Variants in ST7 observed in about 807,000 individuals in gnomAD.
ST7 encodes the protein suppression of tumorigenicity 7.
In ST7, 28 loss-of-function variants were observed where a neutral mutation model predicts 78.7. The ratio of observed to expected loss-of-function variants is 0.36; its 90% confidence interval spans 0.26 to 0.49. The LOEUF (loss-of-function observed/expected upper bound fraction) is 0.49. ST7 is among the 20% of genes least tolerant of loss of function. The pLI is 0.99. For missense variants in ST7, 418 were observed against 696.0 expected, an observed-to-expected ratio of 0.60 and a Z score of 4.49; for synonymous variants, 247 against 249.6, an observed-to-expected ratio of 0.99 and a Z score of 0.10.
At position 117,223,111 on chromosome 7, in the gene ST7, A is replaced by G. The variant is rs572138613; in HGVS notation, c.1638+1049A>G. ...AACTCTTCCCTCTCTCACTCCCCAC[A>G]TCCCATCGTCTCGGCCTTCACAATC... On this transcript the variant is annotated intron_variant, in intron 15 of 15. Coordinates refer to ENST00000323984, the MANE Select transcript of ST7 (RefSeq NM_001369598.1). 29 of 666,976 alleles carry G rather than the reference A, an allele frequency of 4.3e-5. No individual in the cohort carries two copies. In the African/African-American group the frequency reaches 4.8e-4, roughly 11 times the overall value. The allele number at this position is 666,976 out of a possible 1,614,324, so 41.3% of individuals were successfully genotyped here. A position where few individuals can be genotyped will look rare whatever the true frequency, so the allele number is the denominator to read the frequency against.
At chr7:117,087,215 A>G (rs1335473003) in intron 1 of ST7, among the ~76,000 whole-genome samples, 1 of 152,238 alleles carries the variant, frequency 6.6e-6, no homozygotes, top group African/African-American at 2.4e-5. Flanking sequence ...AAGGCAAACT[A>G]TTTAGTTTTC....
At chr7:117,194,403 G>A (rs372338354) in intron 12 of ST7, among the ~76,000 whole-genome samples, 1 of 152,032 alleles carries the variant, frequency 6.6e-6, no homozygotes. Flanking sequence ...AAACCCTGTT[G>A]CCCCTTCACC....
At chr7:116,974,349 G>A (rs552104512) in intron 1 of ST7, among the ~76,000 whole-genome samples, 2 of 151,270 alleles carry the variant, frequency 1.3e-5, no homozygotes, top group South Asian at 2.1e-4. Flanking sequence ...GTGCAGTGGC[G>A]TGATCTCGGC....
intron 9 of ST7, among the ~76,000 whole-genome samples, chr7:117,163,367 A>T (rs1258452069): frequency 6.6e-6 from 1 of 152,174 alleles, no homozygotes. Flanking sequence ...TGTTCTCCAT[A>T]GTGGCTATAC....
intron 1 of ST7, among the ~76,000 whole-genome samples, chr7:116,979,958 CTTTTTTTT>C (rs745530832): frequency 1.2e-5 from 1 of 86,240 alleles, no homozygotes; most frequent in Admixed American, 2.0e-4. Flanking sequence ...TTTTGTTTCT[CTTTTTTTT>C]TTTTTTTTTG....
intron 1 of ST7, among the ~76,000 whole-genome samples, chr7:117,078,611 T>G (rs1380102178): frequency 6.6e-6 from 1 of 152,212 alleles, no homozygotes; most frequent in African/African-American, 2.4e-5. Flanking sequence ...GAGCTGAATG[T>G]CAGCCACATG....
At chr7:117,189,913 CTT>C (rs1369304732) in intron 11 of ST7, among the ~76,000 whole-genome samples, 1 of 152,182 alleles carries the variant, frequency 6.6e-6, no homozygotes, top group East Asian at 1.9e-4. Context: ...GACATATAGA[CTT>C]TTCATAAGCA....
Position 117,190,803 on chromosome 7 carries a change from C to T in ST7, c.1152-31C>T, listed in dbSNP as rs746737119. ...GGTTGATGCCCAAGCAGTGGTCCCACCTGGATGGTTTTTGTCTTTCTGCTT... is the reference window on the plus strand; with the variant it reads ...GGTTGATGCCCAAGCAGTGGTCCCATCTGGATGGTTTTTGTCTTTCTGCTT... On this transcript the variant is annotated intron_variant, in intron 11 of 15. Coordinates refer to ENST00000323984, the MANE Select transcript of ST7 (RefSeq NM_001369598.1). The surrounding 1 kb of genome is among the most constrained non-coding windows in gnomAD (Gnocchi z 5.2). The T allele has an allele frequency of 5.6e-6, 9 of 1,597,006 alleles. No homozygotes were observed. The East Asian group carries it at 2.0e-4, about 36-fold the overall frequency.
chr7:117,059,919 G>T (rs922865522), intron 1 of ST7, among the ~76,000 whole-genome samples: 1 of 151,822 alleles, frequency 6.6e-6, no homozygotes, highest in Non-Finnish European at 1.5e-5. Flanking sequence ...GGAGGTTGAG[G>T]CTGCAGTGAA....
intron 1 of ST7, among the ~76,000 whole-genome samples, chr7:116,957,531 T>G (rs944334363): frequency 6.6e-6 from 1 of 152,144 alleles, no homozygotes; most frequent in Non-Finnish European, 1.5e-5. Context: ...CTGCTCTTGA[T>G]TTGGATACAA....
intron 12 of ST7, among the ~76,000 whole-genome samples, chr7:117,205,885 A>G (rs576185188): frequency 1.3e-5 from 2 of 152,396 alleles, no homozygotes; most frequent in Admixed American, 6.5e-5. Context: ...AGCCATTATT[A>G]TAGATGGACA....
intron 10 of ST7, among the ~76,000 whole-genome samples, chr7:117,185,020 A>G (rs1324158758): frequency 6.6e-6 from 1 of 152,144 alleles, no homozygotes. Flanking sequence ...GGTGGGAATG[A>G]AAGAGGAGGT....
chr7:117,039,479 TG>T (rs1426166243), intron 1 of ST7, among the ~76,000 whole-genome samples: 1 of 151,266 alleles, frequency 6.6e-6, no homozygotes, highest in Admixed American at 6.6e-5. Flanking sequence ...GAGGCTGAGG[TG>T]GGAGGATCAC....
At chr7:117,063,264 G>A (rs1250988759) in intron 1 of ST7, among the ~76,000 whole-genome samples, 1 of 152,118 alleles carries the variant, frequency 6.6e-6, no homozygotes, top group Non-Finnish European at 1.5e-5. Context: ...GATTTTATGT[G>A]AATTATAAAA....
At chr7:117,075,343 G>T (rs1203857893) in intron 1 of ST7, among the ~76,000 whole-genome samples, 2 of 152,086 alleles carry the variant, frequency 1.3e-5, no homozygotes, top group Non-Finnish European at 2.9e-5. Flanking sequence ...TTTGTTTCAT[G>T]GTAGAAGTTG....
intron 1 of ST7, among the ~76,000 whole-genome samples, chr7:117,060,548 G>A (rs1018470492): frequency 2.0e-5 from 3 of 152,150 alleles, no homozygotes; most frequent in Non-Finnish European, 4.4e-5. Context: ...AACCCACAGT[G>A]TGATTTCAAG....
intron 1 of ST7, among the ~76,000 whole-genome samples, chr7:116,958,203 C>G (rs1273546019): frequency 1.4e-5 from 2 of 147,826 alleles, no homozygotes; most frequent in African/African-American, 2.5e-5. Flanking sequence ...ACAGGGTCCC[C>G]TGTGTTCTTG....
intron 1 of ST7, among the ~76,000 whole-genome samples, chr7:116,993,697 C>T (rs1041266745): frequency 3.9e-5 from 6 of 152,258 alleles, no homozygotes; most frequent in African/African-American, 1.4e-4. Context: ...TGAGGGATCA[C>T]ATCAGCTTTT....
At chr7:117,185,652 G>T (rs1012494331) in intron 10 of ST7, among the ~76,000 whole-genome samples, 3 of 152,184 alleles carry the variant, frequency 2.0e-5, no homozygotes, top group South Asian at 4.1e-4. Context: ...TAGGCCGGGT[G>T]CAGTGGCTCG....
Sources: gnomAD v4.1 joint callset for allele counts (sites outside exome capture counted in the v4.1 genomes callset) on GRCh38, gnomAD v4.1.1 for gene constraint, Gnocchi (gnomAD v3.1) non-coding constraint, MANE v1.5 for transcripts, NCBI Gene and HGNC (gene_info 2026-07-23, HGNC 2026-07-21) for gene names.